Variants in DNM3 observed in about 807,000 individuals in gnomAD.
The protein encoded by DNM3 is dynamin 3.
Under a neutral mutation model 101.6 loss-of-function variants are expected in DNM3, and 47 were observed. The observed-to-expected ratio is 0.46, with a 90% CI of 0.37 to 0.59. The LOEUF is 0.59. DNM3 is among the 20% of genes least tolerant of loss of function. The pLI, the probability that DNM3 is intolerant of heterozygous loss-of-function variation, is 0.00. For synonymous variants in DNM3, 385 were observed against 387.9 expected, an observed-to-expected ratio of 0.99 and a Z score of 0.09; for missense variants, 849 against 1,085.7, an observed-to-expected ratio of 0.78 and a Z score of 3.06.
chr1:172,014,048 A>G (rs369798728), intron 4 of DNM3, among the ~76,000 whole-genome samples: 1 of 152,100 alleles, frequency 6.6e-6, no homozygotes, highest in Non-Finnish European at 1.5e-5. Context: ...GGTATATTGT[A>G]ATCAATTGTC....
chr1:171,869,830 CCTT>C (rs1195535454), intron 1 of DNM3, among the ~76,000 whole-genome samples: 1 of 152,182 alleles, frequency 6.6e-6, no homozygotes, highest in African/African-American at 2.4e-5. Context: ...TTTAATTTAA[CCTT>C]CATCTAGTTA....
intron 15 of DNM3, among the ~76,000 whole-genome samples, chr1:172,283,486 G>C (rs535108672): frequency 6.6e-6 from 1 of 152,024 alleles, no homozygotes; most frequent in Non-Finnish European, 1.5e-5. Context: ...GTCAGGCTGG[G>C]CATGGTGGCT....
intron 4 of DNM3, among the ~76,000 whole-genome samples, chr1:172,026,091 A>T (rs2048182676): frequency 6.6e-6 from 1 of 152,102 alleles, no homozygotes; most frequent in South Asian, 2.1e-4. Context: ...AACTAGAGAA[A>T]CCAGTTTAGA....
intron 14 of DNM3, among the ~76,000 whole-genome samples, chr1:172,151,471 T>C (rs556779467): frequency 5.9e-5 from 9 of 152,296 alleles, no homozygotes; most frequent in Admixed American, 3.9e-4. Flanking sequence ...CTCACTTTAC[T>C]CCCAATCTTC....
chr1:171,970,456 G>A (rs1433316509), intron 2 of DNM3, among the ~76,000 whole-genome samples: 1 of 151,942 alleles, frequency 6.6e-6, no homozygotes, highest in Non-Finnish European at 1.5e-5. Flanking sequence ...CTTAATATGT[G>A]TTAATTTACA....
chr1:172,350,291 AT>A, intron 17 of DNM3, among the ~76,000 whole-genome samples: 1 of 149,576 alleles, frequency 6.7e-6, no homozygotes, highest in East Asian at 2.0e-4. Flanking sequence ...AGTTGCTCAC[AT>A]TTTTCATACC....
chr1:172,234,799 G>A (rs1385279414), intron 14 of DNM3, among the ~76,000 whole-genome samples: 1 of 152,168 alleles, frequency 6.6e-6, no homozygotes, highest in African/African-American at 2.4e-5. Context: ...CTAGCCATAT[G>A]TAGAAAGCTG....
chr1:172,164,232 C>CTTTTTTTTTTTT (rs3980440), intron 14 of DNM3, among the ~76,000 whole-genome samples: 7 of 126,648 alleles, frequency 5.5e-5, no homozygotes, highest in African/African-American at 1.2e-4. Flanking sequence ...CTTTTCTTTT[C>CTTTTTTTTTTTT]TTTTTTTTTT....
intron 2 of DNM3, among the ~76,000 whole-genome samples, chr1:171,927,081 T>C (rs183709723): frequency 1.2e-4 from 19 of 152,284 alleles, no homozygotes; most frequent in Admixed American, 9.8e-4. Context: ...AAAAGGCATC[T>C]ACCCTGGAAA....
rs994192870 is a variant in DNM3, at chr1:172,235,559, C to T, written c.1660-18014C>T. ...GACACAGGCAGACGTATGTTTATTG[C>T]GGCACTATTCACAATAGCAAAGACT... is the stretch of plus-strand genomic sequence containing the variant. On this transcript the variant is annotated intron_variant, in intron 14 of 20. Coordinates refer to ENST00000627582, the MANE Select transcript of DNM3 (RefSeq NM_015569.5). Among the ~76,000 whole-genome samples, 26 of 152,184 alleles carry T rather than the reference C, an allele frequency of 1.7e-4. 1 individual carries two copies. The highest frequency in any genetic ancestry group is 1.2e-3 in the South Asian group (6 of 4,826).
chr1:172,396,105 A>G (rs1298274798), intron 20 of DNM3, among the ~76,000 whole-genome samples: 1 of 152,224 alleles, frequency 6.6e-6, no homozygotes. Flanking sequence ...AGGCAAAACC[A>G]CAAATAGCAA....
intron 15 of DNM3, among the ~76,000 whole-genome samples, chr1:172,266,482 A>G (rs2062863226): frequency 6.6e-6 from 1 of 152,188 alleles, no homozygotes; most frequent in African/African-American, 2.4e-5. Flanking sequence ...AACACAATTC[A>G]ATTAAGCTTG....
At chr1:172,264,853 A>C (rs1275171165) in intron 15 of DNM3, among the ~76,000 whole-genome samples, 5 of 152,182 alleles carry the variant, frequency 3.3e-5, no homozygotes, top group African/African-American at 9.7e-5. Context: ...ACTACAACCC[A>C]GGTCTAATAT....
rs577565869 is a variant in DNM3, at chr1:172,105,121, A to G, written c.1545+12246A>G. Among the ~76,000 whole-genome samples the G allele has an allele frequency of 3.9e-5, 6 of 152,380 alleles. No homozygotes were observed. In the South Asian group the frequency reaches 1.2e-3, roughly 32 times the overall value. On this transcript the variant is annotated intron_variant, in intron 13 of 20. Coordinates refer to ENST00000627582, the MANE Select transcript of DNM3 (RefSeq NM_015569.5). ...AAGGGGCTAATGTACAAATATAATCATATGAACAGTCCATACTATCACCAT... is the reference window on the plus strand; with the variant it reads ...AAGGGGCTAATGTACAAATATAATCGTATGAACAGTCCATACTATCACCAT...
intron 2 of DNM3, among the ~76,000 whole-genome samples, chr1:171,969,318 G>A (rs1303339622): frequency 6.6e-6 from 1 of 152,222 alleles, no homozygotes; most frequent in Non-Finnish European, 1.5e-5. Context: ...AGAAGTAGAG[G>A]TGTAGGAGTA....
intron 14 of DNM3, among the ~76,000 whole-genome samples, chr1:172,225,293 C>T (rs758355197): frequency 6.6e-6 from 1 of 151,828 alleles, no homozygotes; most frequent in African/African-American, 2.4e-5. Flanking sequence ...CGCACCACCA[C>T]GCCCAGCTAA....
At chr1:172,179,912 T>C (rs750064146) in intron 14 of DNM3, among the ~76,000 whole-genome samples, 32 of 152,138 alleles carry the variant, frequency 2.1e-4, no homozygotes, top group Admixed American at 1.8e-3. Context: ...ATTAGACGAC[T>C]AGAACCCTAC....
At chr1:171,975,598 T>C (rs1444815695) in intron 2 of DNM3, among the ~76,000 whole-genome samples, 3 of 152,214 alleles carry the variant, frequency 2.0e-5, no homozygotes, top group African/African-American at 7.2e-5. Flanking sequence ...ACTTGTGCTT[T>C]TAGCAAAACA....
chr1:172,318,805 AT>A lies in DNM3; in HGVS notation c.1882-4523del, dbSNP rs2065535470. Among the ~76,000 whole-genome samples, 3 of 152,326 alleles carry A rather than the reference AT, an allele frequency of 2.0e-5. No individual in the cohort carries two copies. In the East Asian group the frequency reaches 5.8e-4, roughly 29 times the overall value. ...AAGAATCAATATCATGAAAATGGCC[AT>A]ACTGCCCAAGGTAATTTATAGATTC... On this transcript the variant is annotated intron_variant, in intron 16 of 20. Coordinates refer to ENST00000627582, the MANE Select transcript of DNM3 (RefSeq NM_015569.5).
Sources: gnomAD v4.1 joint callset for allele counts (sites outside exome capture counted in the v4.1 genomes callset) on GRCh38, gnomAD v4.1.1 for gene constraint, MANE v1.5 for transcripts, NCBI Gene and HGNC (gene_info 2026-07-23, HGNC 2026-07-21) for gene names.